ERC2: variants seen among roughly 807,000 people sequenced by gnomAD.
The protein encoded by ERC2 is ELKS/RAB6-interacting/CAST family member 2.
A neutral mutation model predicts 114.8 loss-of-function variants in ERC2; 42 were observed. The ratio of observed to expected loss-of-function variants is 0.37; its 90% CI spans 0.29 to 0.47. The LOEUF is 0.47. ERC2 is among the 20% of genes least tolerant of loss of function. ERC2 has a pLI of 0.99. For synonymous variants in ERC2, 454 were observed against 425.5 expected (o/e 1.07, Z -0.82); for missense variants, 939 against 1,150.7 (o/e 0.82, Z 2.66).
intron 7 of ERC2, among the ~76,000 whole-genome samples, chr3:56,024,642 A>G (rs1413999561): frequency 6.6e-6 from 1 of 152,256 alleles, no homozygotes; most frequent in African/African-American, 2.4e-5. Context: ...TAGCAGTTTC[A>G]TCTTCCATAG....
chr3:55,929,076 G>C (rs762239439), intron 13 of ERC2, among the ~76,000 whole-genome samples: 8 of 152,086 alleles, frequency 5.3e-5, no homozygotes, highest in Non-Finnish European at 7.3e-5. Flanking sequence ...CCATCTCCTT[G>C]ACCAAGATCC....
At chr3:56,117,541 T>A (rs965245396) in intron 6 of ERC2, among the ~76,000 whole-genome samples, 24 of 152,148 alleles carry the variant, frequency 1.6e-4, no homozygotes, top group African/African-American at 5.8e-4. Flanking sequence ...ATTGTATCCA[T>A]TTCACCCCTT....
intron 3 of ERC2, among the ~76,000 whole-genome samples, chr3:56,287,270 G>A (rs2054783621): frequency 6.6e-6 from 1 of 152,192 alleles, no homozygotes; most frequent in Non-Finnish European, 1.5e-5. Context: ...GGTTTTGGGA[G>A]ACAAAGCATT....
intron 14 of ERC2, among the ~76,000 whole-genome samples, chr3:55,882,177 C>T (rs1235999073): frequency 6.6e-6 from 1 of 152,086 alleles, no homozygotes; most frequent in Non-Finnish European, 1.5e-5. Flanking sequence ...CCTGAAAGAG[C>T]TGATTGTTAA....
chr3:55,816,573 C>G (rs751723477), intron 14 of ERC2, among the ~76,000 whole-genome samples: 2 of 152,128 alleles, frequency 1.3e-5, no homozygotes, highest in Non-Finnish European at 2.9e-5. Context: ...TGAAGGAACT[C>G]ATTTCTTAGC....
At chr3:55,635,949 T>C (rs1423617801) in intron 17 of ERC2, among the ~76,000 whole-genome samples, 1 of 151,980 alleles carries the variant, frequency 6.6e-6, no homozygotes, top group Non-Finnish European at 1.5e-5. Flanking sequence ...TGTGATCGGC[T>C]CACTGCAACC....
chr3:56,336,143 G>C (rs1442501835), intron 2 of ERC2, among the ~76,000 whole-genome samples: 2 of 152,102 alleles, frequency 1.3e-5, no homozygotes, highest in East Asian at 3.9e-4. Context: ...AGGAAGTAGA[G>C]GCAACACAGT....
intron 5 of ERC2, among the ~76,000 whole-genome samples, chr3:56,141,850 G>C (rs12485705): frequency 0.05 from 7,672 of 152,088 alleles, 348 homozygotes; most frequent in East Asian, 0.15. Flanking sequence ...CTAATATTTT[G>C]TAAGGATCTT....
At chr3:55,559,098 G>T (rs2055828505) in intron 17 of ERC2, among the ~76,000 whole-genome samples, 1 of 152,208 alleles carries the variant, frequency 6.6e-6, no homozygotes, top group African/African-American at 2.4e-5. Context: ...GTTTTCCCTG[G>T]AGCAGGGCAT....
intron 2 of ERC2, among the ~76,000 whole-genome samples, chr3:56,394,093 C>T (rs929533780): frequency 6.6e-6 from 1 of 152,184 alleles, no homozygotes; most frequent in Non-Finnish European, 1.5e-5. Context: ...ATGAGATGAA[C>T]TTGCTTGTCC....
chr3:55,746,104 A>C (rs1381866405), intron 14 of ERC2, among the ~76,000 whole-genome samples: 4 of 152,232 alleles, frequency 2.6e-5, no homozygotes, highest in African/African-American at 9.6e-5. Context: ...GAACATTCCC[A>C]CAGGCTAAAT....
intron 12 of ERC2, among the ~76,000 whole-genome samples, chr3:55,952,287 C>A (rs918755099): frequency 6.6e-6 from 1 of 150,606 alleles, no homozygotes; most frequent in African/African-American, 2.4e-5. Context: ...ATTGGTAGCA[C>A]TTATTAAGAG....
At chr3:56,278,647 T>C (rs2054161680) in intron 3 of ERC2, among the ~76,000 whole-genome samples, 1 of 152,210 alleles carries the variant, frequency 6.6e-6, no homozygotes, top group African/African-American at 2.4e-5. Context: ...GAGGTTTATT[T>C]GGCTCACAGT....
chr3:55,677,219 A>G (rs907657714), intron 17 of ERC2, among the ~76,000 whole-genome samples: 1 of 152,204 alleles, frequency 6.6e-6, no homozygotes, highest in Admixed American at 6.5e-5. Context: ...TGCTATAAAC[A>G]GGGACTAATT....
intron 2 of ERC2, among the ~76,000 whole-genome samples, chr3:56,428,132 T>C (rs180745875): frequency 7.9e-5 from 12 of 152,192 alleles, no homozygotes; most frequent in African/African-American, 2.9e-4. Flanking sequence ...CTGATGAAAT[T>C]CTATCACTCA....
At chr3:55,948,210 CATG>C (rs1412258181) in intron 13 of ERC2, among the ~76,000 whole-genome samples, 3 of 152,196 alleles carry the variant, frequency 2.0e-5, no homozygotes, top group African/African-American at 7.2e-5. Flanking sequence ...CAATACTCTA[CATG>C]ATATTTTTCT....
At chr3:56,116,658 G>A (rs184896342) in intron 6 of ERC2, among the ~76,000 whole-genome samples, 5 of 152,150 alleles carry the variant, frequency 3.3e-5, no homozygotes, top group Admixed American at 1.3e-4. Flanking sequence ...CTCTATCTTT[G>A]CTCATGCTGT....
chr3:56,076,294 T>A (rs1321334812), intron 7 of ERC2, among the ~76,000 whole-genome samples: 1 of 152,166 alleles, frequency 6.6e-6, no homozygotes, highest in Admixed American at 6.6e-5. Context: ...TTTAAAAAAA[T>A]TCGTGGGTAG....
intron 6 of ERC2, among the ~76,000 whole-genome samples, chr3:56,083,250 T>C (rs2077332239): frequency 6.6e-6 from 1 of 152,178 alleles, no homozygotes. Flanking sequence ...ATATACATAA[T>C]AACATAGGTG....
Sources: allele counts gnomAD v4.1 joint callset (sites outside exome capture counted in the v4.1 genomes callset), GRCh38; gene constraint gnomAD v4.1.1; transcripts MANE v1.5; gene names NCBI Gene and HGNC (gene_info 2026-07-23, HGNC 2026-07-21).